CUL3: variants seen among roughly 807,000 people sequenced by gnomAD.
CUL3 encodes cullin-3.
In CUL3, 19 loss-of-function variants were observed where a neutral mutation model predicts 89.1. That is an observed-to-expected ratio of 0.21 (90% CI 0.15 to 0.31). The LOEUF is 0.31. Among genes scored for constraint, CUL3 ranks in the 10% least tolerant of loss-of-function variants. CUL3 has a pLI of 1.00. For synonymous variants in CUL3, 351 were observed against 308.4 expected (o/e 1.14, Z -1.45); for missense variants, 469 against 942.3 (o/e 0.50, Z 6.58).
chr2:224,526,465 A>G (rs1245364078), intron 3 of CUL3, among the ~76,000 whole-genome samples: 1 of 151,898 alleles, frequency 6.6e-6, no homozygotes, highest in Non-Finnish European at 1.5e-5. Flanking sequence ...GGGCGCCTGT[A>G]ATCCCAGCTA....
intron 14 of CUL3, 113 bp downstream of exon 14, chr2:224,481,779 T>C: frequency 1.5e-6 from 1 of 656,648 alleles, no homozygotes; most frequent in East Asian, 3.3e-5. Context: ...TAAGCCTAAG[T>C]ATCATGCAGC....
At chr2:224,531,902 C>T (rs891265425) in intron 3 of CUL3, among the ~76,000 whole-genome samples, 6 of 152,104 alleles carry the variant, frequency 3.9e-5, no homozygotes, top group African/African-American at 1.4e-4. Context: ...CCAGTGAACA[C>T]TGTAAGACTA....
intron 2 of CUL3, among the ~76,000 whole-genome samples, chr2:224,542,628 G>C (rs1015476375): frequency 6.6e-6 from 1 of 152,064 alleles, no homozygotes; most frequent in Non-Finnish European, 1.5e-5. Context: ...AGCTGGTCTC[G>C]AAGTCCTGGC....
intron 2 of CUL3, among the ~76,000 whole-genome samples, chr2:224,538,217 G>T (rs1693963982): frequency 6.6e-6 from 1 of 152,270 alleles, no homozygotes; most frequent in South Asian, 2.1e-4. Context: ...CTGCTGCAAT[G>T]TCTTCTTATT....
At position 224,557,847 on chromosome 2, in the gene CUL3, C is replaced by G. The variant is rs2106305184; in HGVS notation, c.76G>C (p.Asp26His). The G allele has an allele frequency of 8.7e-7, 1 of 1,149,298 alleles. No homozygotes were observed. The highest frequency in any genetic ancestry group is 1.2e-5 in the South Asian group (1 of 81,872). The allele number at this position is 1,149,298 out of a possible 1,614,324, so 71.2% of individuals were successfully genotyped here. The change falls in exon 2 of 16, where the codon GAT (aspartate) becomes CAT (histidine). Residue 26 changes from aspartate (D) to histidine (H), a missense_variant. By Grantham distance (81) the Asp-to-His change is moderately conservative. This residue lies in a region of CUL3 where 370 missense variants were observed against 733.2 expected (regional missense o/e 0.50). Transcript: ENST00000264414. ...MRIRAFPMTM[D>H]EKYVNSIWDL... Reference sequence around the variant, plus strand: ...CAAATGCTGTTTACATATTTTTCATCCATGGTCATCTGTAATATCCAAGAG... The same window carrying G: ...CAAATGCTGTTTACATATTTTTCATGCATGGTCATCTGTAATATCCAAGAG...
chr2:224,478,758 C>T (rs978922756), intron 14 of CUL3: 3 of 160,658 alleles, frequency 1.9e-5, no homozygotes, highest in Non-Finnish European at 4.1e-5. Flanking sequence ...TGTTGTCTTA[C>T]TAACTCAAAA....
In CUL3 at chr2:224,557,736, T is replaced by C. The variant is rs754820004; in HGVS notation, c.187A>G (p.Thr63Ala). Residue 63 changes from threonine (T) to alanine (A), a missense_variant, in exon 2 of 16, where the codon ACA becomes GCA. Physicochemically the swap from Thr to Ala is moderately conservative, Grantham distance 58. Around this residue, in one of 4 missense-constraint regions of CUL3, gnomAD observed 370 missense variants for 733.2 expected, o/e 0.50. Coordinates refer to ENST00000264414, the MANE Select transcript of CUL3 (RefSeq NM_003590.5). ...TCTCCATGTTTATGCAAAACCATTG[T>C]ATATGCATTTCTATAGAGCTCCTCA... ...SFEELYRNAY[T>A]MVLHKHGEKL... The C allele has an allele frequency of 6.2e-7, 1 of 1,610,762 alleles. No homozygotes were observed. Among genetic ancestry groups the C allele is most frequent in the Non-Finnish European group, 8.5e-7 (1 of 1,177,342 alleles).
chr2:224,506,222 C>T, intron 7 of CUL3, 90 bp from the exon 8 acceptor site: 1 of 859,304 alleles, frequency 1.2e-6, no homozygotes, highest in Non-Finnish European at 1.7e-6. Flanking sequence ...CTTAACTTTG[C>T]TGGTAATAAA....
At chr2:224,570,835 T>G (rs996273623) in intron 1 of CUL3, among the ~76,000 whole-genome samples, 1 of 152,040 alleles carries the variant, frequency 6.6e-6, no homozygotes. Context: ...TCAATATGAG[T>G]AGGCTATCCA....
At chr2:224,534,594 T>C (rs1693815509) in intron 3 of CUL3, among the ~76,000 whole-genome samples, 1 of 152,208 alleles carries the variant, frequency 6.6e-6, no homozygotes, top group African/African-American at 2.4e-5. Context: ...ATATTTTCCA[T>C]TTTAAAGGAC....
At chr2:224,572,401 T>G (rs1014370602) in intron 1 of CUL3, among the ~76,000 whole-genome samples, 2 of 151,982 alleles carry the variant, frequency 1.3e-5, no homozygotes, top group Non-Finnish European at 2.9e-5. Flanking sequence ...TCCTTGCACT[T>G]TTGAAAGCCA....
intron 11 of CUL3, 176 bp downstream of exon 11, chr2:224,500,187 C>A: frequency 3.5e-6 from 2 of 574,064 alleles, no homozygotes; most frequent in Non-Finnish European, 5.9e-6. Context: ...CTTTACTTTA[C>A]TCATCAAGAT....
chr2:224,563,688 C>T (rs979745309), intron 1 of CUL3, among the ~76,000 whole-genome samples: 12 of 152,200 alleles, frequency 7.9e-5, no homozygotes, highest in African/African-American at 2.9e-4. Context: ...TGCCATCCCA[C>T]TCAGGATGTG....
intron 1 of CUL3, among the ~76,000 whole-genome samples, chr2:224,563,476 C>T (rs957685625): frequency 8.5e-5 from 13 of 152,122 alleles, no homozygotes; most frequent in African/African-American, 2.9e-4. Flanking sequence ...GAGTAGGTCC[C>T]TAATTTCTAT....
Position 224,485,790 on chromosome 2 carries a change from C to T in CUL3, c.1843-3712G>A, listed in dbSNP as rs926143036. On this transcript the variant is annotated intron_variant, in intron 13 of 15. Transcript: ENST00000264414. The surrounding 1 kb of genome is among the most constrained non-coding windows in gnomAD (Gnocchi z 4.1). ...GACAGACTGCCTCCTCAAGTGGGTCCGTGTCCCCCATGCCTCCCTGACAGG... is the reference window on the plus strand; with the variant it reads ...GACAGACTGCCTCCTCAAGTGGGTCTGTGTCCCCCATGCCTCCCTGACAGG... Among the ~76,000 whole-genome samples, 5 of 152,204 alleles carry T rather than the reference C, an allele frequency of 3.3e-5. No individual in the cohort carries two copies. Among genetic ancestry groups the T allele is most frequent in the African/African-American group, 9.6e-5 (4 of 41,464 alleles).
intron 1 of CUL3, among the ~76,000 whole-genome samples, chr2:224,577,484 G>T (rs1488379743): frequency 1.3e-5 from 2 of 152,046 alleles, no homozygotes; most frequent in Admixed American, 6.5e-5. Flanking sequence ...CAGGAGAATG[G>T]CGTGAACCCG....
intron 2 of CUL3, among the ~76,000 whole-genome samples, chr2:224,551,688 C>A (rs1269869867): frequency 6.6e-6 from 1 of 152,078 alleles, no homozygotes; most frequent in African/African-American, 2.4e-5. Flanking sequence ...CTGCCATGTT[C>A]ATTCATTTAC....
intron 15 of CUL3, among the ~76,000 whole-genome samples, chr2:224,476,762 A>AT (rs1691337500): frequency 1.3e-5 from 2 of 151,764 alleles, no homozygotes; most frequent in South Asian, 2.1e-4. Context: ...CCTTCATCTC[A>AT]TTTTTTTCAA....
intron 5 of CUL3, among the ~76,000 whole-genome samples, chr2:224,512,114 GAGAC>G (rs1692848816): frequency 8.5e-6 from 1 of 118,200 alleles, no homozygotes; most frequent in East Asian, 2.5e-4. Context: ...TTTTTTTTTT[GAGAC>G]AGAGTCTCGC....
Sources: gnomAD v4.1 joint callset for allele counts (sites outside exome capture counted in the v4.1 genomes callset) on GRCh38, gnomAD v4.1.1 for gene constraint, gnomAD v4.1.1 regional missense constraint, Gnocchi (gnomAD v3.1) non-coding constraint, MANE v1.5 for transcripts, NCBI Gene and HGNC (gene_info 2026-07-23, HGNC 2026-07-21) for gene names.